UBE4B: variants seen among roughly 807,000 people sequenced by gnomAD.
UBE4B encodes the protein ubiquitin conjugation factor E4 B.
A neutral mutation model predicts 148.1 loss-of-function variants in UBE4B; 27 were observed. The observed-to-expected ratio is 0.18, with a 90% CI of 0.13 to 0.25. The LOEUF is 0.25. Ranked by LOEUF, UBE4B falls within the 10% of genes least tolerant of loss-of-function variation. The probability of loss-of-function intolerance (pLI) is 1.00; values close to 1 mark genes in which losing one functional copy is unlikely to be tolerated. For missense variants in UBE4B, 1,170 were observed against 1,662.4 expected (o/e 0.70, Z 5.15); for synonymous variants, 596 against 619.3 (o/e 0.96, Z 0.56).
intron 1 of UBE4B, among the ~76,000 whole-genome samples, chr1:10,055,357 C>T (rs1644144959): frequency 6.6e-6 from 1 of 151,368 alleles, no homozygotes. Context: ...CACTGTTTCC[C>T]AGGCTGGAGT....
intron 25 of UBE4B, among the ~76,000 whole-genome samples, chr1:10,174,702 CAAAA>C (rs1024868484): frequency 7.5e-5 from 6 of 80,150 alleles, no homozygotes; most frequent in African/African-American, 1.8e-4. Context: ...AACTCCGTCT[CAAAA>C]AAAAAAAAAA....
At chr1:10,083,205 GA>G (rs1216774473) in intron 2 of UBE4B, among the ~76,000 whole-genome samples, 2 of 152,144 alleles carry the variant, frequency 1.3e-5, no homozygotes, top group African/African-American at 4.8e-5. Context: ...GGTTCTAGAA[GA>G]ATGTGACATT....
intron 18 of UBE4B, among the ~76,000 whole-genome samples, chr1:10,145,859 A>G (rs1321143470): frequency 6.6e-6 from 1 of 152,220 alleles, no homozygotes; most frequent in Non-Finnish European, 1.5e-5. Context: ...GGTGAGACAT[A>G]GCTAAAAACA....
At chr1:10,105,939 A>G (rs1029765700) in intron 6 of UBE4B, among the ~76,000 whole-genome samples, 195 bp downstream of exon 6, 1 of 152,136 alleles carries the variant, frequency 6.6e-6, no homozygotes, top group African/African-American at 2.4e-5. Flanking sequence ...TCTATGGTTA[A>G]GATATTGCTA....
chr1:10,151,943 G>A (rs79653521), intron 21 of UBE4B, among the ~76,000 whole-genome samples: 2,659 of 152,220 alleles, frequency 0.017, 35 homozygotes, highest in Non-Finnish European at 0.027. Flanking sequence ...AAGTGTGGGT[G>A]AAACAGGGAG....
At chr1:10,039,596 ATTT>A (rs34204373) in intron 1 of UBE4B, among the ~76,000 whole-genome samples, 1 of 137,570 alleles carries the variant, frequency 7.3e-6, no homozygotes, top group Admixed American at 7.3e-5. Context: ...TGCCCTGCTG[ATTT>A]TTTTTTTTTT....
chr1:10,132,473 A>G lies in UBE4B; in HGVS notation c.2016A>G (p.Ala672=), dbSNP rs1229738102. 2.5e-6 allele frequency: 4 copies of G among 1,613,940 alleles called. No homozygotes were observed. Among genetic ancestry groups the G allele is most frequent in the African/African-American group, 1.3e-5 (1 of 74,932 alleles). ...AAVVNANMKK[A]QMQTDDRLVS... is the part of the protein sequence containing the mutation. ...TCGTCAATGCCAATATGAAGAAAGC[A>G]CAGATGCAGGTAGGATTCCTACAGA... is the stretch of plus-strand genomic sequence containing the variant. The change falls in exon 15 of 28, where the codon GCA becomes GCG. Residue 672 remains alanine (A), a synonymous_variant. Transcript: ENST00000343090.
intron 21 of UBE4B, among the ~76,000 whole-genome samples, chr1:10,155,991 C>T (rs1352991168): frequency 6.7e-6 from 1 of 149,770 alleles, no homozygotes; most frequent in Non-Finnish European, 1.5e-5. Context: ...GATCTTGCCA[C>T]TGTACTCCAG....
intron 2 of UBE4B, among the ~76,000 whole-genome samples, chr1:10,083,515 A>G (rs1644717034): frequency 6.6e-6 from 1 of 152,236 alleles, no homozygotes; most frequent in Non-Finnish European, 1.5e-5. Flanking sequence ...CACAATGACA[A>G]TGAAATTCTA....
At chr1:10,131,775 AC>A (rs1645597433) in intron 14 of UBE4B, among the ~76,000 whole-genome samples, 2 of 151,808 alleles carry the variant, frequency 1.3e-5, no homozygotes, top group African/African-American at 4.8e-5. Flanking sequence ...ACATGGTGAA[AC>A]CCCATCTCTA....
In UBE4B at chr1:10,161,111, A is replaced by G; in HGVS notation, c.3054-31A>G. On this transcript the variant is annotated intron_variant, in intron 22 of 27. Transcript: ENST00000343090. The surrounding 1 kb of genome is among the most constrained non-coding windows in gnomAD (Gnocchi z 4.1). ...GTGGCATTTTGCTTCAGGGAGATGT[A>G]TGACCATGTACAATATAATTGCCTT... The G allele has an allele frequency of 6.2e-7, 1 of 1,608,150 alleles. No individual in the cohort carries two copies. The highest frequency in any genetic ancestry group is 8.5e-7 in the Non-Finnish European group (1 of 1,175,750).
At chr1:10,073,614 AG>A (rs1292212315) in intron 2 of UBE4B, among the ~76,000 whole-genome samples, 1 of 152,046 alleles carries the variant, frequency 6.6e-6, no homozygotes, top group Non-Finnish European at 1.5e-5. Flanking sequence ...CAACTACAAG[AG>A]AGGCTGAGGC....
intron 17 of UBE4B, among the ~76,000 whole-genome samples, chr1:10,144,343 G>T (rs912061246): frequency 6.6e-6 from 1 of 152,050 alleles, no homozygotes; most frequent in Non-Finnish European, 1.5e-5. Context: ...GAAAAATAAG[G>T]GAACAATGTA....
intron 2 of UBE4B, among the ~76,000 whole-genome samples, chr1:10,073,678 C>T (rs1024017191): frequency 2.0e-5 from 3 of 152,106 alleles, no homozygotes; most frequent in Non-Finnish European, 2.9e-5. Context: ...CAAGATTGCG[C>T]TACTGCACTC....
intron 2 of UBE4B, among the ~76,000 whole-genome samples, chr1:10,090,128 T>TG (rs780704307): frequency 4.6e-4 from 39 of 84,764 alleles, no homozygotes; most frequent in South Asian, 3.2e-3. Flanking sequence ...TGTGTGTGTG[T>TG]TTTTTTTTTT....
intron 7 of UBE4B, among the ~76,000 whole-genome samples, chr1:10,114,494 A>G (rs1367518021): frequency 6.6e-6 from 1 of 152,144 alleles, no homozygotes; most frequent in Non-Finnish European, 1.5e-5. Flanking sequence ...CTCACTTTTC[A>G]GTTATCAAGC....
chr1:10,133,778 G>T (rs577907166), intron 15 of UBE4B, among the ~76,000 whole-genome samples: 1 of 152,260 alleles, frequency 6.6e-6, no homozygotes, highest in Admixed American at 6.5e-5. Flanking sequence ...GGGCATGGTG[G>T]CTGGTGCATG....
At chr1:10,158,214 C>G (rs985081838) in intron 21 of UBE4B, 142 bp from the exon 22 acceptor site, 1 of 1,001,946 alleles carries the variant, frequency 1.0e-6, no homozygotes, top group Non-Finnish European at 1.4e-6. Flanking sequence ...CTGTCGTGCC[C>G]TACATGCAAA....
chr1:10,072,389 T>A (rs964096351), intron 2 of UBE4B, 175 bp downstream of exon 2: 24 of 784,206 alleles, frequency 3.1e-5, no homozygotes, highest in Admixed American at 6.0e-5. Context: ...CTTTTTTTTT[T>A]ATTGCAATCT....
Sources: allele counts gnomAD v4.1 joint callset (sites outside exome capture counted in the v4.1 genomes callset), GRCh38; gene constraint gnomAD v4.1.1; non-coding constraint Gnocchi (gnomAD v3.1); transcripts MANE v1.5; gene names NCBI Gene and HGNC (gene_info 2026-07-23, HGNC 2026-07-21).